NUP214: variants seen among roughly 807,000 people sequenced by gnomAD.
NUP214 encodes the protein nuclear pore complex protein Nup214.
In NUP214, 79 loss-of-function variants were observed where a neutral mutation model predicts 196.2. The observed-to-expected ratio is 0.40, with a 90% CI of 0.34 to 0.49. The LOEUF (loss-of-function observed/expected upper bound fraction) is 0.49, where lower values mean the gene tolerates loss of function less well. Ranked by LOEUF, NUP214 falls within the 20% of genes least tolerant of loss-of-function variation. The pLI, the probability that NUP214 is intolerant of heterozygous loss-of-function variation, is 0.58. For synonymous variants in NUP214, 1,020 were observed against 990.5 expected (o/e 1.03, Z -0.56); for missense variants, 2,468 against 2,539.0 (o/e 0.97, Z 0.60).
intron 32 of NUP214, 21 bp from the exon 33 acceptor site, chr9:131,228,139 G>C (rs1321331673): frequency 1.3e-6 from 2 of 1,530,260 alleles, no homozygotes; most frequent in Admixed American, 4.6e-5. Context: ...ATTTCTGTTT[G>C]TTTGCCTCTG....
chr9:131,128,328 A>G lies in NUP214; in HGVS notation c.242-4A>G, dbSNP rs996816437. 3.7e-6 allele frequency: 6 copies of G among 1,603,708 alleles called. No individual in the cohort carries two copies. Among genetic ancestry groups the G allele is most frequent in the African/African-American group, 1.3e-5 (1 of 74,268 alleles). On this transcript the variant is annotated splice_region_variant and splice_polypyrimidine_tract_variant and intron_variant, in intron 2 of 35. Transcript: ENST00000359428. ...TTCTGCTTTGTATTTTTTTGTTTTC[A>G]TAGTTGATAAAGTCCAAGGCTTGCT...
At chr9:131,226,476 A>G (rs1834728488) in intron 32 of NUP214, among the ~76,000 whole-genome samples, 1 of 151,858 alleles carries the variant, frequency 6.6e-6, no homozygotes, top group African/African-American at 2.4e-5. Context: ...CTGTATCATC[A>G]TGACTTCCCA....
Position 131,162,983 on chromosome 9 carries a change from G to A in NUP214, c.2541-8G>A, listed in dbSNP as rs756732208. 75 of 1,613,356 alleles carry A rather than the reference G, an allele frequency of 4.6e-5. No individual in the cohort carries two copies. The highest frequency in any genetic ancestry group is 8.4e-5 in the Admixed American group (5 of 59,862). Reference sequence around the variant, plus strand: ...CATGTTTAATTCTTTTCTCATTGTTGTCAACAGGCACCTGCTTGTGCCAGA... The same window carrying A: ...CATGTTTAATTCTTTTCTCATTGTTATCAACAGGCACCTGCTTGTGCCAGA... On this transcript the variant is annotated splice_region_variant and splice_polypyrimidine_tract_variant and intron_variant, in intron 18 of 35. Coordinates refer to ENST00000359428, the MANE Select transcript of NUP214 (RefSeq NM_005085.4).
At chr9:131,142,277 A>G (rs577125363) in intron 11 of NUP214, among the ~76,000 whole-genome samples, 4 of 152,340 alleles carry the variant, frequency 2.6e-5, no homozygotes, top group East Asian at 1.9e-4. Flanking sequence ...AGCCTTTGCT[A>G]CTAGCCCATT....
intron 25 of NUP214, 142 bp downstream of exon 25, chr9:131,187,506 C>T (rs1325832812): frequency 1.8e-5 from 11 of 623,024 alleles, no homozygotes; most frequent in Non-Finnish European, 5.6e-6. Flanking sequence ...CGTGGCTCAG[C>T]CTCCTGAGTA....
chr9:131,168,080 T>C (rs997233543), intron 21 of NUP214, among the ~76,000 whole-genome samples: 3 of 152,098 alleles, frequency 2.0e-5, no homozygotes, highest in Admixed American at 1.3e-4. Context: ...TGTAGGAACA[T>C]GGTCTTGCTG....
chr9:131,200,254 T>C lies in NUP214; in HGVS notation c.5521+1239T>C, dbSNP rs144190161. ...CCTAGTTGAGGAATTGAGTCTTGTC[T>C]AAGCTCACCTACCCAATCAGTGACA... On this transcript the variant is annotated intron_variant, in intron 29 of 35. Coordinates refer to ENST00000359428, the MANE Select transcript of NUP214 (RefSeq NM_005085.4). Among the ~76,000 whole-genome samples the C allele has an allele frequency of 2.9e-4, 44 of 152,362 alleles. No individual in the cohort carries two copies. In the East Asian group the frequency reaches 7.3e-3, roughly 25 times the overall value.
At position 131,159,368 on chromosome 9, in the gene NUP214, A is replaced by G; in HGVS notation, c.2437-15A>G. On this transcript the variant is annotated splice_polypyrimidine_tract_variant and intron_variant, in intron 17 of 35. Coordinates refer to ENST00000359428, the MANE Select transcript of NUP214 (RefSeq NM_005085.4). ...AGAAAAACAAGTTATTTGCCTTTTA[A>G]TTTTTTTCTTATAGGAAATTCGGCG... is the stretch of plus-strand genomic sequence containing the variant. 1.9e-6 allele frequency: 3 copies of G among 1,601,054 alleles called. No individual in the cohort carries two copies. Among genetic ancestry groups the G allele is most frequent in the Non-Finnish European group, 2.6e-6 (3 of 1,171,618 alleles).
intron 21 of NUP214, 59 bp downstream of exon 21, chr9:131,164,203 G>T: frequency 2.0e-6 from 3 of 1,499,900 alleles, no homozygotes; most frequent in Non-Finnish European, 2.8e-6. Context: ...GGGTGTGTGT[G>T]TGTGCGCGCG....
chr9:131,136,030 T>A (rs772813152), intron 9 of NUP214, 24 bp downstream of exon 9: 3 of 1,558,758 alleles, frequency 1.9e-6, no homozygotes, highest in Non-Finnish European at 2.6e-6. Flanking sequence ...TTGTCACTTC[T>A]GTGGTGCTTT....
intron 30 of NUP214, among the ~76,000 whole-genome samples, chr9:131,206,148 C>CTTTTTTCTTTTTTTTTTTTT (rs1301657384): frequency 6.5e-5 from 5 of 76,388 alleles, no homozygotes; most frequent in Admixed American, 1.6e-4. Flanking sequence ...TTTCTTTTTT[C>CTTTTTTCTTTTTTTTTTTTT]TTTTTTTTTT....
At chr9:131,130,887 T>G in intron 5 of NUP214, 51 bp downstream of exon 5, 1 of 1,480,942 alleles carries the variant, frequency 6.8e-7, no homozygotes, top group South Asian at 1.1e-5. Context: ...CCCACTTTTT[T>G]GGGGGTGGTT....
intron 30 of NUP214, among the ~76,000 whole-genome samples, chr9:131,209,645 C>T (rs1034320590): frequency 2.6e-5 from 4 of 152,148 alleles, no homozygotes; most frequent in East Asian, 1.9e-4. Context: ...CTGCCTGCCT[C>T]GGCCTCCCAA....
chr9:131,151,235 A>G (rs541759873), intron 16 of NUP214, among the ~76,000 whole-genome samples: 1 of 152,344 alleles, frequency 6.6e-6, no homozygotes, highest in African/African-American at 2.4e-5. Context: ...CACTGTGCCA[A>G]ACGCATCACT....
Position 131,192,204 on chromosome 9 carries a change from T to G in NUP214, c.3575-4T>G. 1 of 962,360 alleles carries G rather than the reference T, an allele frequency of 1.0e-6. No homozygotes were observed. Among genetic ancestry groups the G allele is most frequent in the Non-Finnish European group, 1.6e-6 (1 of 641,742 alleles). 59.6% of individuals were successfully genotyped at this position (962,360 alleles called of 1,614,324 possible). On this transcript the variant is annotated splice_region_variant and splice_polypyrimidine_tract_variant and intron_variant, in intron 26 of 35. Coordinates refer to ENST00000359428, the MANE Select transcript of NUP214 (RefSeq NM_005085.4). ...TTTTTTTTTTTTTTTTTCCATAATT[T>G]CAGGGACAGCCAAGATAGAAACAGC...
At chr9:131,149,690 T>C (rs1480105244) in intron 14 of NUP214, among the ~76,000 whole-genome samples, 1 of 152,156 alleles carries the variant, frequency 6.6e-6, no homozygotes, top group East Asian at 1.9e-4. Context: ...ATTTAAACTC[T>C]TGTAAAACAC....
chr9:131,211,506 G>A (rs1476764799), intron 30 of NUP214, among the ~76,000 whole-genome samples: 2 of 152,190 alleles, frequency 1.3e-5, no homozygotes, highest in Non-Finnish European at 2.9e-5. Flanking sequence ...GTTTCTGACT[G>A]CACAGCTTCC....
intron 24 of NUP214, chr9:131,187,067 A>G (rs1833468721): frequency 2.0e-6 from 1 of 509,316 alleles, no homozygotes; most frequent in African/African-American, 1.9e-5. Context: ...GAAAGGAAAT[A>G]AGTTATAAGG....
At chr9:131,213,956 C>T (rs1564214324) in intron 30 of NUP214, among the ~76,000 whole-genome samples, 2 of 152,154 alleles carry the variant, frequency 1.3e-5, no homozygotes, top group South Asian at 4.1e-4. Context: ...AGGGACAGAT[C>T]ATGTTGGGCC....
Sources: allele counts gnomAD v4.1 joint callset (sites outside exome capture counted in the v4.1 genomes callset), GRCh38; gene constraint gnomAD v4.1.1; transcripts MANE v1.5; gene names NCBI Gene and HGNC (gene_info 2026-07-23, HGNC 2026-07-21).